Variants in FAM178B observed in about 807,000 individuals in gnomAD.
The protein encoded by FAM178B is family with sequence similarity 178 member B.
A neutral mutation model predicts 91.7 loss-of-function variants in FAM178B; 82 were observed. The ratio of observed to expected loss-of-function variants is 0.89; its 90% CI spans 0.75 to 1.07. The LOEUF (loss-of-function observed/expected upper bound fraction) is 1.07, where lower values mean the gene tolerates loss of function less well. Ranked by LOEUF, FAM178B falls within the 50% of genes least tolerant of loss-of-function variation. The pLI, the probability that FAM178B is intolerant of heterozygous loss-of-function variation, is 0.00. For synonymous variants in FAM178B, 368 were observed against 359.4 expected, an observed-to-expected ratio of 1.02 and a Z score of -0.27; for missense variants, 769 against 846.7, an observed-to-expected ratio of 0.91 and a Z score of 1.14.
In FAM178B at chr2:96,986,290, C is replaced by T. The variant is rs778772765; in HGVS notation, c.24G>A (p.Ala8=). 2.0e-6 allele frequency: 3 copies of T among 1,534,204 alleles called. No individual in the cohort carries two copies. The highest frequency in any genetic ancestry group is 2.4e-5 in the South Asian group (2 of 83,984). MWPRLPG[A]GLAPQLRRQD... is the part of the protein sequence containing the mutation. Reference sequence around the variant, plus strand: ...GCCTCCTGAGTTGTGGAGCGAGGCCCGCACCTGGAAGCCTTGGCCACATAG... The same window carrying T: ...GCCTCCTGAGTTGTGGAGCGAGGCCTGCACCTGGAAGCCTTGGCCACATAG... Residue 8 remains alanine (A), a synonymous_variant, in exon 1 of 17, where the codon GCG becomes GCA. Transcript: ENST00000490605.
intron 14 of FAM178B, among the ~76,000 whole-genome samples, chr2:96,880,882 C>T (rs1004450102): frequency 6.6e-6 from 1 of 152,208 alleles, no homozygotes; most frequent in Non-Finnish European, 1.5e-5. Flanking sequence ...GCGTGAGCCA[C>T]CGCGCCCGGC....
At chr2:96,915,546 G>A (rs973956641) in intron 12 of FAM178B, among the ~76,000 whole-genome samples, 5 of 152,006 alleles carry the variant, frequency 3.3e-5, no homozygotes, top group Admixed American at 1.3e-4. Context: ...GGATGGGCAC[G>A]GTGGCTCACG....
intron 6 of FAM178B, 152 bp from the exon 7 acceptor site, chr2:96,951,636 G>A (rs2081929853): frequency 1.6e-6 from 1 of 630,134 alleles, no homozygotes; most frequent in East Asian, 2.8e-5. Flanking sequence ...AGCCCTCAGT[G>A]CATGATCTGT....
intron 12 of FAM178B, among the ~76,000 whole-genome samples, chr2:96,916,031 C>G (rs2081235785): frequency 1.3e-5 from 2 of 152,170 alleles, no homozygotes; most frequent in Non-Finnish European, 1.5e-5. Flanking sequence ...TACTCCGTAG[C>G]ACGGGCAGAA....
At chr2:96,891,892 T>C (rs558659217) in intron 14 of FAM178B, among the ~76,000 whole-genome samples, 1 of 152,142 alleles carries the variant, frequency 6.6e-6, no homozygotes, top group African/African-American at 2.4e-5. Context: ...GCTGGGAAAG[T>C]AGGCATTTCC....
At chr2:96,928,036 G>A (rs2153371489) in intron 9 of FAM178B, among the ~76,000 whole-genome samples, 1 of 152,364 alleles carries the variant, frequency 6.6e-6, no homozygotes, top group Non-Finnish European at 1.5e-5. Context: ...GCTGGCACAT[G>A]TGTGGGGTAT....
intron 8 of FAM178B, among the ~76,000 whole-genome samples, chr2:96,936,288 A>G (rs958771261): frequency 1.9e-4 from 29 of 151,614 alleles, no homozygotes; most frequent in Non-Finnish European, 3.1e-4. Context: ...TGTAAGCTCC[A>G]CCTCCCGGGT....
Position 96,877,873 on chromosome 2 carries a change from G to A in FAM178B, c.2007+17C>T, listed in dbSNP as rs769632620. 12 of 1,610,648 alleles carry A rather than the reference G, an allele frequency of 7.5e-6. No individual in the cohort carries two copies. The highest frequency in any genetic ancestry group is 8.5e-6 in the Non-Finnish European group (10 of 1,179,602). ...CTTCCCGCCCCTCCCAGGTCTGGGG[G>A]CTAGAGGGGGCACCACCTGGGGCTG... On this transcript the variant is annotated intron_variant, in intron 16 of 16. Coordinates refer to ENST00000490605, the MANE Select transcript of FAM178B (RefSeq NM_001122646.3).
Position 96,970,718 on chromosome 2 carries a change from C to G in FAM178B, c.624G>C (p.Lys208Asn), listed in dbSNP as rs1302541751. The G allele has an allele frequency of 1.9e-6, 3 of 1,551,082 alleles. No individual in the cohort carries two copies. Among genetic ancestry groups the G allele is most frequent in the East Asian group, 2.4e-5 (1 of 40,914 alleles). ...GACAGGCCACGCCCTGTGCTCACCT[C>G]TTCTCCTGCAGTAAGTAGTCCAGGT... ...FNNLDYLLQE[K>N]REQALEQERE... Residue 208 changes from lysine (K) to asparagine (N), a missense_variant and splice_region_variant, in exon 4 of 17, where the codon AAG becomes AAC. Lys to Asn is a moderately conservative substitution (Grantham distance 94). Transcript: ENST00000490605.
intron 8 of FAM178B, among the ~76,000 whole-genome samples, chr2:96,941,069 G>T (rs1248254368): frequency 6.6e-6 from 1 of 152,122 alleles, no homozygotes; most frequent in Non-Finnish European, 1.5e-5. Flanking sequence ...AAAGAAATAC[G>T]GTATAGATAA....
intron 9 of FAM178B, among the ~76,000 whole-genome samples, chr2:96,927,929 G>A (rs2081472593): frequency 6.6e-6 from 1 of 152,252 alleles, no homozygotes; most frequent in South Asian, 2.1e-4. Flanking sequence ...CCAAGACGGT[G>A]TGCGATTGCA....
At chr2:96,879,332 G>A (rs1357469554) in intron 14 of FAM178B, among the ~76,000 whole-genome samples, 1 of 152,190 alleles carries the variant, frequency 6.6e-6, no homozygotes, top group Non-Finnish European at 1.5e-5. Context: ...GGGTGGGAGA[G>A]GCGGGCTCTA....
chr2:96,960,115 T>C (rs1450388425), intron 6 of FAM178B, among the ~76,000 whole-genome samples, 173 bp downstream of exon 6: 1 of 152,240 alleles, frequency 6.6e-6, no homozygotes. Flanking sequence ...AATTAGTAAA[T>C]GAAATACTGT....
At chr2:96,877,827 C>A in intron 16 of FAM178B, 63 bp downstream of exon 16, 1 of 1,524,528 alleles carries the variant, frequency 6.6e-7, no homozygotes, top group Non-Finnish European at 8.9e-7. Flanking sequence ...GCTGGTGGCT[C>A]TGGCCAGCCC....
chr2:96,896,617 G>C (rs955908009), intron 13 of FAM178B, among the ~76,000 whole-genome samples: 1 of 152,156 alleles, frequency 6.6e-6, no homozygotes, highest in Non-Finnish European at 1.5e-5. Context: ...GGTGGTGGAG[G>C]CTGATTTCCA....
intron 14 of FAM178B, among the ~76,000 whole-genome samples, chr2:96,893,212 A>C (rs2080725443): frequency 6.6e-6 from 1 of 152,068 alleles, no homozygotes. Context: ...GGGGCAGCAG[A>C]GTACATCGAG....
At chr2:96,880,304 AC>A (rs1359570277) in intron 14 of FAM178B, among the ~76,000 whole-genome samples, 1 of 152,064 alleles carries the variant, frequency 6.6e-6, no homozygotes, top group Non-Finnish European at 1.5e-5. Context: ...GGTTCCAGAA[AC>A]AGAAGCCACA....
In FAM178B at chr2:96,878,059, A is replaced by T; in HGVS notation, c.1855-17T>A. ...CAGCTCGCCCTGTGGAGGCGGAGGG[A>T]GGCCAAGAAGCGGGTGTAGCACAAG... On this transcript the variant is annotated splice_polypyrimidine_tract_variant and intron_variant, in intron 15 of 16. Transcript: ENST00000490605. 1 of 1,604,472 alleles carries T rather than the reference A, an allele frequency of 6.2e-7. No individual in the cohort carries two copies. Among genetic ancestry groups the T allele is most frequent in the Non-Finnish European group, 8.5e-7 (1 of 1,179,796 alleles).
chr2:96,882,968 G>A (rs550806097), intron 14 of FAM178B, among the ~76,000 whole-genome samples: 4 of 152,366 alleles, frequency 2.6e-5, no homozygotes, highest in Admixed American at 1.3e-4. Flanking sequence ...CCCTGCGGCC[G>A]CTGCCAGCAA....
Sources: gnomAD v4.1 joint callset for allele counts (sites outside exome capture counted in the v4.1 genomes callset) on GRCh38, gnomAD v4.1.1 for gene constraint, MANE v1.5 for transcripts, NCBI Gene and HGNC (gene_info 2026-07-23, HGNC 2026-07-21) for gene names.